The following GABRG3 variants were observed in gnomAD, a reference collection of about 807,000 sequenced individuals.
The protein encoded by GABRG3 is gamma-aminobutyric acid receptor subunit gamma-3.
Under a neutral mutation model 48.8 loss-of-function variants are expected in GABRG3, and 25 were observed. The ratio of observed to expected loss-of-function variants is 0.51; its 90% CI spans 0.37 to 0.72. The LOEUF (loss-of-function observed/expected upper bound fraction) is 0.72, where lower values mean the gene tolerates loss of function less well. Among genes scored for constraint, GABRG3 ranks in the 30% least tolerant of loss-of-function variants. GABRG3 has a pLI of 0.00. For synonymous variants in GABRG3, 227 were observed against 217.6 expected, an observed-to-expected ratio of 1.04 and a Z score of -0.38; for missense variants, 394 against 577.9, an observed-to-expected ratio of 0.68 and a Z score of 3.26.
At chr15:27,174,411 G>T (rs1214893632) in intron 3 of GABRG3, among the ~76,000 whole-genome samples, 2 of 152,148 alleles carry the variant, frequency 1.3e-5, no homozygotes, top group Non-Finnish European at 2.9e-5. Context: ...TTAATAGCCA[G>T]AATCCTTTGG....
chr15:27,321,424 G>C (rs1893422044), intron 3 of GABRG3, among the ~76,000 whole-genome samples: 1 of 152,218 alleles, frequency 6.6e-6, no homozygotes, highest in South Asian at 2.1e-4. Flanking sequence ...TCAAAGCCAT[G>C]TTTCCCAGGA....
rs1342441614 is a variant in GABRG3 at position 27,180,469 on chromosome 15, T to C, written c.271-146340T>C. ...CGGGACTCTCTGCCTACCCTATGCTTGCACTAGATTCATCACGAAGCACCG... is the reference window on the plus strand; with the variant it reads ...CGGGACTCTCTGCCTACCCTATGCTCGCACTAGATTCATCACGAAGCACCG... On this transcript the variant is annotated intron_variant, in intron 3 of 9. Coordinates refer to ENST00000615808, the MANE Select transcript of GABRG3 (RefSeq NM_033223.5). This position sits in a 1 kb window ranked among gnomAD's most constrained non-coding sequence, Gnocchi z 4.2. Among the ~76,000 whole-genome samples the C allele has an allele frequency of 6.6e-6, 1 of 152,002 alleles. No individual in the cohort carries two copies. Among genetic ancestry groups the C allele is most frequent in the Non-Finnish European group, 1.5e-5 (1 of 68,008 alleles).
At chr15:27,262,826 T>A (rs769904240) in intron 3 of GABRG3, among the ~76,000 whole-genome samples, 2 of 152,254 alleles carry the variant, frequency 1.3e-5, no homozygotes, top group Non-Finnish European at 2.9e-5. Flanking sequence ...TACATTTTTT[T>A]AAATCAGCAA....
chr15:27,240,605 T>C (rs112219445), intron 3 of GABRG3, among the ~76,000 whole-genome samples: 2 of 152,332 alleles, frequency 1.3e-5, no homozygotes, highest in Admixed American at 6.5e-5. Context: ...TGTTAAAATA[T>C]AACAGGGAAT....
intron 3 of GABRG3, among the ~76,000 whole-genome samples, chr15:27,313,242 G>GTATA (rs1893065096): frequency 1.8e-5 from 1 of 56,226 alleles, no homozygotes; most frequent in African/African-American, 5.5e-5. Context: ...ATGTATATAT[G>GTATA]TGTGTGTGTG....
intron 6 of GABRG3, among the ~76,000 whole-genome samples, chr15:27,501,010 G>A (rs1387753067): frequency 6.9e-6 from 1 of 145,326 alleles, no homozygotes; most frequent in African/African-American, 2.6e-5. Context: ...GGAGTGCAGT[G>A]GCGCGATCTC....
intron 5 of GABRG3, among the ~76,000 whole-genome samples, chr15:27,333,258 A>C (rs1893859055): frequency 6.6e-6 from 1 of 152,198 alleles, no homozygotes; most frequent in Non-Finnish European, 1.5e-5. Context: ...GGCTTGAAAC[A>C]ACATCAATTT....
At chr15:27,443,433 A>C (rs138646087) in intron 5 of GABRG3, among the ~76,000 whole-genome samples, 2 of 152,266 alleles carry the variant, frequency 1.3e-5, no homozygotes, top group East Asian at 3.9e-4. Flanking sequence ...ATTATCCATA[A>C]AATTTTCATG....
At chr15:27,375,989 A>G (rs1397545824) in intron 5 of GABRG3, among the ~76,000 whole-genome samples, 2 of 152,234 alleles carry the variant, frequency 1.3e-5, no homozygotes, top group African/African-American at 4.8e-5. Context: ...TGAGCCTGTA[A>G]AATGAAAAGC....
chr15:27,004,116 G>C (rs1055439020), intron 2 of GABRG3, among the ~76,000 whole-genome samples: 1 of 150,230 alleles, frequency 6.7e-6, no homozygotes, highest in Non-Finnish European at 1.5e-5. Flanking sequence ...GCGGCTGGCC[G>C]GGCGGGGGGC....
intron 3 of GABRG3, among the ~76,000 whole-genome samples, chr15:27,321,497 C>T (rs1893424553): frequency 6.6e-6 from 1 of 152,168 alleles, no homozygotes; most frequent in Non-Finnish European, 1.5e-5. Flanking sequence ...GCTTCCATAC[C>T]TGAGAAGGAA....
chr15:27,174,692 A>G (rs751015862), intron 3 of GABRG3, among the ~76,000 whole-genome samples: 9 of 151,624 alleles, frequency 5.9e-5, no homozygotes, highest in Non-Finnish European at 1.2e-4. Flanking sequence ...ATCAGATACC[A>G]TCATTACTCT....
At chr15:27,005,407 G>A (rs1218713479) in intron 2 of GABRG3, among the ~76,000 whole-genome samples, 1 of 152,120 alleles carries the variant, frequency 6.6e-6, no homozygotes, top group South Asian at 2.1e-4. Context: ...TGCTTTGAGT[G>A]CAGCATTTCA....
chr15:27,185,391 G>A (rs1454211739), intron 3 of GABRG3, among the ~76,000 whole-genome samples: 1 of 152,076 alleles, frequency 6.6e-6, no homozygotes, highest in Non-Finnish European at 1.5e-5. Context: ...TATGGTCAAA[G>A]AACATACTTC....
intron 3 of GABRG3, among the ~76,000 whole-genome samples, chr15:27,066,908 A>G (rs1421877291): frequency 3.9e-5 from 6 of 152,292 alleles, no homozygotes; most frequent in East Asian, 1.9e-4. Context: ...TAGAATGTCA[A>G]GGGTGAGGCA....
chr15:27,305,675 A>G (rs1229457639), intron 3 of GABRG3, among the ~76,000 whole-genome samples: 2 of 105,704 alleles, frequency 1.9e-5, no homozygotes, highest in South Asian at 3.2e-4. Context: ...ATAAACCTAT[A>G]TGTTTATATA....
intron 6 of GABRG3, among the ~76,000 whole-genome samples, chr15:27,489,319 A>G (rs958390005): frequency 6.6e-6 from 1 of 152,086 alleles, no homozygotes; most frequent in Non-Finnish European, 1.5e-5. Context: ...TGCTATTGTG[A>G]ACTGTGCTGC....
chr15:27,088,246 G>A (rs568552555), intron 3 of GABRG3, among the ~76,000 whole-genome samples: 7 of 88,852 alleles, frequency 7.9e-5, no homozygotes, highest in African/African-American at 2.8e-4. Context: ...GGGAGTGCTC[G>A]GGGCGGGCGC....
intron 5 of GABRG3, among the ~76,000 whole-genome samples, chr15:27,338,140 G>C (rs951810540): frequency 6.6e-6 from 1 of 152,174 alleles, no homozygotes; most frequent in Admixed American, 6.5e-5. Flanking sequence ...GGAATGTGGG[G>C]TCAGCGCTTC....
Sources: allele counts gnomAD v4.1 joint callset (sites outside exome capture counted in the v4.1 genomes callset), GRCh38; gene constraint gnomAD v4.1.1; non-coding constraint Gnocchi (gnomAD v3.1); transcripts MANE v1.5; gene names NCBI Gene and HGNC (gene_info 2026-07-23, HGNC 2026-07-21).